EYS: variants seen among roughly 807,000 people sequenced by gnomAD.
The protein encoded by EYS is EGF-like photoreceptor maintenance factor.
In EYS, 250 loss-of-function variants were observed where a neutral mutation model predicts 282.1. That is an observed-to-expected ratio of 0.89 (90% confidence interval 0.80 to 0.98). EYS has a LOEUF of 0.98. Ranked by LOEUF, EYS falls within the 50% of genes least tolerant of loss-of-function variation. The pLI is 0.00. For synonymous variants in EYS, 1,355 were observed against 1,282.9 expected, an observed-to-expected ratio of 1.06 and a Z score of -1.20; for missense variants, 4,016 against 3,709.0, an observed-to-expected ratio of 1.08 and a Z score of -2.15.
intron 12 of EYS, among the ~76,000 whole-genome samples, chr6:65,138,252 A>G (rs528829760): frequency 6.6e-6 from 1 of 152,242 alleles, no homozygotes; most frequent in South Asian, 2.1e-4. Flanking sequence ...CTATTAAGAT[A>G]TAACTGCAAA....
intron 12 of EYS, among the ~76,000 whole-genome samples, chr6:65,263,926 G>A (rs1300514668): frequency 6.6e-6 from 1 of 151,532 alleles, no homozygotes; most frequent in East Asian, 1.9e-4. Flanking sequence ...TAAAAAACAA[G>A]GAAGTAGAAA....
At chr6:64,373,177 T>C (rs1005284448) in intron 29 of EYS, among the ~76,000 whole-genome samples, 3 of 152,210 alleles carry the variant, frequency 2.0e-5, no homozygotes, top group African/African-American at 7.2e-5. Context: ...TGTTTTTTCC[T>C]TATTTGTGGG....
Position 64,411,413 on chromosome 6 carries a change from A to G in EYS, c.5928-22573T>C, listed in dbSNP as rs79445374. Among the ~76,000 whole-genome samples the G allele has an allele frequency of 1.9e-3, 296 of 152,296 alleles. 1 individual carries two copies. In the East Asian group the frequency reaches 0.036, roughly 19 times the overall value. Reference sequence around the variant, plus strand: ...ATGTGAGAACCAATGACTCAGAAGTAAGTTGGCAAAGTTAGATCATACAAA... The same window carrying G: ...ATGTGAGAACCAATGACTCAGAAGTGAGTTGGCAAAGTTAGATCATACAAA... On this transcript the variant is annotated intron_variant, in intron 28 of 42. Coordinates refer to ENST00000503581, the MANE Select transcript of EYS (RefSeq NM_001142800.2).
chr6:64,387,233 A>G (rs1772942631), intron 29 of EYS, among the ~76,000 whole-genome samples: 1 of 152,126 alleles, frequency 6.6e-6, no homozygotes, highest in Non-Finnish European at 1.5e-5. Context: ...TTTACAAGGA[A>G]GACACTTGAT....
intron 1 of EYS, among the ~76,000 whole-genome samples, chr6:65,662,389 A>T (rs947817451): frequency 6.6e-6 from 1 of 152,150 alleles, no homozygotes; most frequent in African/African-American, 2.4e-5. Context: ...AGCTTGATAT[A>T]TATTTTTTCA....
At chr6:65,644,318 C>A (rs117768467) in intron 1 of EYS, among the ~76,000 whole-genome samples, 1 of 152,258 alleles carries the variant, frequency 6.6e-6, no homozygotes, top group East Asian at 1.9e-4. Flanking sequence ...AAAGAAAGAA[C>A]TTCAGAGCTT....
intron 5 of EYS, among the ~76,000 whole-genome samples, chr6:65,475,427 T>A (rs146699870): frequency 6.6e-6 from 1 of 152,064 alleles, no homozygotes; most frequent in Admixed American, 6.6e-5. Context: ...AATTTTAAAA[T>A]AAACCGAAAA....
At chr6:65,296,939 TAGAG>T (rs78902602) in intron 11 of EYS, among the ~76,000 whole-genome samples, 29,554 of 151,408 alleles carry the variant, frequency 0.2, 3,440 homozygotes, top group Middle Eastern at 0.26. Flanking sequence ...TTTCTGGAGT[TAGAG>T]AGACAAAGAT....
intron 31 of EYS, among the ~76,000 whole-genome samples, chr6:64,170,681 A>C (rs1252434962): frequency 6.6e-6 from 1 of 150,594 alleles, no homozygotes; most frequent in Non-Finnish European, 1.5e-5. Context: ...ACTTTCTTAC[A>C]TCTGCAAAGA....
intron 26 of EYS, among the ~76,000 whole-genome samples, chr6:64,573,237 C>T (rs907981624): frequency 6.6e-6 from 1 of 152,196 alleles, no homozygotes; most frequent in African/African-American, 2.4e-5. Flanking sequence ...AAAGCTGAAA[C>T]TGGATCCTTT....
At chr6:64,507,580 T>C (rs1777251291) in intron 26 of EYS, among the ~76,000 whole-genome samples, 1 of 152,146 alleles carries the variant, frequency 6.6e-6, no homozygotes, top group Non-Finnish European at 1.5e-5. Flanking sequence ...CTGCATCATA[T>C]TGTTGTTTTT....
At position 65,057,648 on chromosome 6, in the gene EYS, A is replaced by C; in HGVS notation, c.2103T>G (p.Gly701=). 1 of 1,550,752 alleles carries C rather than the reference A, an allele frequency of 6.4e-7. No homozygotes were observed. The highest frequency in any genetic ancestry group is 8.7e-7 in the Non-Finnish European group (1 of 1,146,278). ...GAGGCACACACTGGCAGAAGTAATT[A>C]CCAGGTTGGTCAATGCAGGTGGCTC... The part of the protein sequence containing the change: ...KNGATCIDQP[G]NYFCQCVPPF... The change falls in exon 13 of 43, where the codon GGT becomes GGG. Residue 701 remains glycine (G), a synonymous_variant. Coordinates refer to ENST00000503581, the MANE Select transcript of EYS (RefSeq NM_001142800.2).
At chr6:65,673,388 G>A (rs1239859160) in intron 1 of EYS, among the ~76,000 whole-genome samples, 1 of 152,044 alleles carries the variant, frequency 6.6e-6, no homozygotes. Flanking sequence ...TACAATGATT[G>A]GTGATGGCCT....
chr6:64,167,422 A>C (rs981376823), intron 31 of EYS, among the ~76,000 whole-genome samples: 70 of 152,328 alleles, frequency 4.6e-4, no homozygotes, highest in African/African-American at 1.6e-3. Flanking sequence ...GACAATGCCA[A>C]TATTCAGAAT....
At chr6:65,597,116 C>T (rs891986406) in intron 2 of EYS, among the ~76,000 whole-genome samples, 4 of 151,934 alleles carry the variant, frequency 2.6e-5, no homozygotes, top group African/African-American at 9.7e-5. Context: ...AATATATAAG[C>T]AGTTATAATA....
intron 40 of EYS, among the ~76,000 whole-genome samples, chr6:63,776,210 G>A (rs1055573958): frequency 6.6e-6 from 1 of 152,120 alleles, no homozygotes; most frequent in Non-Finnish European, 1.5e-5. Context: ...AAAATACAAT[G>A]TGCCAACTGA....
chr6:64,100,021 T>A (rs1772772382), intron 31 of EYS, among the ~76,000 whole-genome samples: 1 of 152,174 alleles, frequency 6.6e-6, no homozygotes, highest in Non-Finnish European at 1.5e-5. Flanking sequence ...CCGTCTCAGT[T>A]TTTTGTTTTT....
intron 36 of EYS, among the ~76,000 whole-genome samples, chr6:63,833,750 A>C (rs1771716285): frequency 6.6e-6 from 1 of 152,236 alleles, no homozygotes; most frequent in Admixed American, 6.5e-5. Flanking sequence ...CCACATTGCC[A>C]AGACAATCCT....
At chr6:64,897,625 G>A (rs995907847) in intron 18 of EYS, among the ~76,000 whole-genome samples, 35 of 152,286 alleles carry the variant, frequency 2.3e-4, no homozygotes, top group Admixed American at 2.3e-3. Context: ...GACAAAAGTA[G>A]GCTTTAGAAG....
Sources: allele counts gnomAD v4.1 joint callset (sites outside exome capture counted in the v4.1 genomes callset), GRCh38; gene constraint gnomAD v4.1.1; transcripts MANE v1.5; gene names NCBI Gene and HGNC (gene_info 2026-07-23, HGNC 2026-07-21).